The following SLC35F2 variants were observed in gnomAD, a reference collection of about 807,000 sequenced individuals.
SLC35F2 encodes the protein solute carrier family 35 member F2.
Under a neutral mutation model 38.1 loss-of-function variants are expected in SLC35F2, and 25 were observed. The ratio of observed to expected loss-of-function variants is 0.66; its 90% CI spans 0.48 to 0.92. SLC35F2 has a LOEUF of 0.92. Among genes scored for constraint, SLC35F2 ranks in the 40% least tolerant of loss-of-function variants. SLC35F2 has a pLI of 0.00. For synonymous variants in SLC35F2, 173 were observed against 181.7 expected, an observed-to-expected ratio of 0.95 and a Z score of 0.38; for missense variants, 409 against 452.9, an observed-to-expected ratio of 0.90 and a Z score of 0.88.
chr11:107,825,403 G>A (rs529522668), intron 1 of SLC35F2, among the ~76,000 whole-genome samples: 64 of 134,366 alleles, frequency 4.8e-4, no homozygotes, highest in African/African-American at 1.7e-3. Flanking sequence ...ATGGAGTCTC[G>A]ATCTGTTGCC....
intron 1 of SLC35F2, among the ~76,000 whole-genome samples, chr11:107,831,045 C>T (rs995342593): frequency 6.6e-6 from 1 of 152,078 alleles, no homozygotes. Flanking sequence ...AAGACAGAAA[C>T]AGTGTCATAT....
chr11:107,826,060 G>A lies in SLC35F2; in HGVS notation c.111-10095C>T, dbSNP rs527766105. Among the ~76,000 whole-genome samples, 35 of 151,908 alleles carry A rather than the reference G, an allele frequency of 2.3e-4. 1 individual carries two copies. The South Asian group carries it at 5.8e-3, about 25-fold the overall frequency. On this transcript the variant is annotated intron_variant, in intron 1 of 7. Coordinates refer to ENST00000525815, the MANE Select transcript of SLC35F2 (RefSeq NM_017515.5). ...CTATTTATACTAGCAAAAGACTAAA[G>A]GAAAAAAACAAAATGTCTAACAATG... is the stretch of plus-strand genomic sequence containing the variant.
intron 1 of SLC35F2, among the ~76,000 whole-genome samples, chr11:107,857,891 C>T (rs1860319254): frequency 6.6e-6 from 1 of 152,118 alleles, no homozygotes; most frequent in East Asian, 1.9e-4. Context: ...TGATATTATC[C>T]ATATAAATTG....
At chr11:107,819,848 T>C (rs757786127) in intron 1 of SLC35F2, among the ~76,000 whole-genome samples, 1 of 152,116 alleles carries the variant, frequency 6.6e-6, no homozygotes, top group African/African-American at 2.4e-5. Context: ...AAAAGTACTA[T>C]TGCACTCATG....
At chr11:107,805,931 C>T (rs995512857) in intron 4 of SLC35F2, among the ~76,000 whole-genome samples, 6 of 152,110 alleles carry the variant, frequency 3.9e-5, no homozygotes, top group Non-Finnish European at 5.9e-5. Context: ...CAGGTGCGAG[C>T]GACTGTGCCT....
intron 1 of SLC35F2, among the ~76,000 whole-genome samples, chr11:107,828,796 T>C (rs12291191): frequency 0.23 from 34,306 of 151,954 alleles, 7,058 homozygotes; most frequent in African/African-American, 0.55. Context: ...TATCTGCCCT[T>C]TCTAAAACTC....
chr11:107,823,971 T>TA (rs1859715681), intron 1 of SLC35F2: 9 of 975,838 alleles, frequency 9.2e-6, no homozygotes, highest in Non-Finnish European at 1.1e-5. Context: ...AAATTATAAG[T>TA]AGCTTTTCTT....
intron 1 of SLC35F2, among the ~76,000 whole-genome samples, chr11:107,820,441 C>T (rs1228730430): frequency 6.6e-6 from 1 of 151,928 alleles, no homozygotes; most frequent in African/African-American, 2.4e-5. Context: ...TAGTGTTTTG[C>T]CTAAGATCAC....
rs547193204 is a variant in SLC35F2, at chr11:107,792,715, G to A, written c.1025C>T (p.Pro342Leu). 3.1e-5 allele frequency: 50 copies of A among 1,613,922 alleles called. No individual in the cohort carries two copies. The East Asian group carries it at 7.1e-4, about 23-fold the overall frequency. Residue 342 changes from proline (P) to leucine (L), a missense_variant, in exon 8 of 8, where the codon CCG (proline) becomes CTG (leucine). Pro to Leu is a moderately conservative substitution (Grantham distance 98). Transcript: ENST00000525815. ...GACTGGAGGCACGCTGCTTTCAGCC[G>A]GCTCGGCCGTGCGAGTAGGGGTGGA... ...YCSTPTRTAEPAESSVPPVTS... is the reference protein window; with the variant it reads ...YCSTPTRTAELAESSVPPVTS...
intron 1 of SLC35F2, among the ~76,000 whole-genome samples, chr11:107,841,721 C>T (rs1374104228): frequency 2.0e-5 from 3 of 152,080 alleles, no homozygotes; most frequent in South Asian, 2.1e-4. Flanking sequence ...CTTGTAATCC[C>T]AGCATTTTGG....
At chr11:107,812,916 G>A (rs931313716) in intron 2 of SLC35F2, among the ~76,000 whole-genome samples, 8 of 152,084 alleles carry the variant, frequency 5.3e-5, no homozygotes, top group Non-Finnish European at 8.8e-5. Context: ...TTAAGTCCTC[G>A]ATAAGCTTGA....
chr11:107,803,117 G>A lies in SLC35F2; in HGVS notation c.823C>T (p.Leu275=), dbSNP rs997761496. The A allele has an allele frequency of 5.6e-6, 9 of 1,613,162 alleles. No individual in the cohort carries two copies. In the East Asian group the frequency reaches 1.8e-4, roughly 32 times the overall value. ...ATCACCAATGGCATGAAGCTGTACA[G>A]GCAAAACATACACAGGGCAAATGCC... ...FVAFALCMFC[L]YSFMPLVIKV... The change falls in exon 7 of 8, where the codon CTG becomes TTG. Residue 275 remains leucine (L), a synonymous_variant. Transcript: ENST00000525815.
chr11:107,816,446 A>AC (rs1480625564), intron 1 of SLC35F2, among the ~76,000 whole-genome samples: 4 of 108,360 alleles, frequency 3.7e-5, no homozygotes, highest in Non-Finnish European at 7.3e-5. Context: ...ATGCCCAGCT[A>AC]ATTTTTTTTT....
At chr11:107,835,283 G>A (rs1352647501) in intron 1 of SLC35F2, among the ~76,000 whole-genome samples, 1 of 152,116 alleles carries the variant, frequency 6.6e-6, no homozygotes, top group Non-Finnish European at 1.5e-5. Flanking sequence ...CAAATCAGAG[G>A]TTATACCTGT....
chr11:107,842,020 C>A (rs1275510291), intron 1 of SLC35F2, among the ~76,000 whole-genome samples: 1 of 147,386 alleles, frequency 6.8e-6, no homozygotes, highest in East Asian at 2.0e-4. Flanking sequence ...GAGCTGAGAT[C>A]GTGCCACTGC....
chr11:107,850,769 C>T (rs1314011500), intron 1 of SLC35F2, among the ~76,000 whole-genome samples: 1 of 148,238 alleles, frequency 6.7e-6, no homozygotes. Flanking sequence ...TGCAGTGACC[C>T]AAAATCATGC....
intron 1 of SLC35F2, among the ~76,000 whole-genome samples, chr11:107,836,627 A>C (rs902648570): frequency 1.8e-4 from 28 of 152,288 alleles, no homozygotes; most frequent in Non-Finnish European, 4.0e-4. Context: ...CAAGCCAAGG[A>C]AGGCAGGCAG....
rs537330767 is a variant in SLC35F2 at position 107,809,270 on chromosome 11, G to A, written c.415-2394C>T. 4.7e-4 allele frequency among the ~76,000 whole-genome samples: 69 copies of A among 147,582 alleles called. No individual in the cohort carries two copies. In the South Asian group the frequency reaches 0.015, roughly 32 times the overall value. On this transcript the variant is annotated intron_variant, in intron 3 of 7. Transcript: ENST00000525815. ...AGGCCAAGGCCGGAGGATCACTTGA[G>A]GTCAGGAGTTCGAGACCAGCCTGGC...
intron 7 of SLC35F2, among the ~76,000 whole-genome samples, chr11:107,797,044 A>C (rs1047390800): frequency 2.0e-5 from 3 of 152,222 alleles, no homozygotes; most frequent in African/African-American, 7.2e-5. Flanking sequence ...TTGACAGCAG[A>C]GTAGGTTGAC....
Sources: gnomAD v4.1 joint callset for allele counts (sites outside exome capture counted in the v4.1 genomes callset) on GRCh38, gnomAD v4.1.1 for gene constraint, MANE v1.5 for transcripts, NCBI Gene and HGNC (gene_info 2026-07-23, HGNC 2026-07-21) for gene names.